Variants in MRPS6 observed in about 807,000 individuals in gnomAD.
MRPS6 encodes the protein mitochondrial ribosomal protein S6.
A neutral mutation model predicts 13.1 loss-of-function variants in MRPS6; 6 were observed. The observed-to-expected ratio is 0.46, with a 90% CI of 0.25 to 0.91. The LOEUF (loss-of-function observed/expected upper bound fraction) is 0.91. MRPS6 is among the 40% of genes least tolerant of loss of function. The probability of loss-of-function intolerance (pLI) is 0.18; values close to 1 mark genes in which losing one functional copy is unlikely to be tolerated. For missense variants in MRPS6, 164 were observed against 155.6 expected (o/e 1.05, Z -0.29); for synonymous variants, 61 against 56.5 (o/e 1.08, Z -0.36).
At position 34,073,664 on chromosome 21, in the gene MRPS6, G is replaced by A. The variant is rs765081516; in HGVS notation, c.-37G>A. 2.6e-6 allele frequency: 4 copies of A among 1,511,000 alleles called. No homozygotes were observed. The African/African-American group carries it at 4.4e-5, about 16-fold the overall frequency. The allele number at this position is 1,511,000 out of a possible 1,614,324, so 93.6% of individuals were successfully genotyped here. On this transcript the variant is annotated 5_prime_UTR_variant, in exon 1 of 3. Transcript: ENST00000399312. ...CCCGCCCCTTCGCGTCCCGGGAACC[G>A]GCTGGCTTCCGAGCCGCACTCGCCG...
chr21:34,123,360 C>A (rs1001018679), intron 1 of MRPS6: 1 of 152,032 alleles, frequency 6.6e-6, no homozygotes, highest in African/African-American at 2.4e-5. Context: ...TTAAAATCAC[C>A]CTGCTTGCAC....
intron 1 of MRPS6, chr21:34,123,361 C>G (rs970799191): frequency 6.6e-6 from 1 of 152,130 alleles, no homozygotes; most frequent in African/African-American, 2.4e-5. Flanking sequence ...TAAAATCACC[C>G]TGCTTGCACC....
At chr21:34,089,130 C>T (rs975411198) in intron 1 of MRPS6, among the ~76,000 whole-genome samples, 2 of 151,982 alleles carry the variant, frequency 1.3e-5, no homozygotes, top group Admixed American at 6.6e-5. Flanking sequence ...TGGGTTCAAG[C>T]GATCCTCTTG....
At chr21:34,112,015 T>C (rs987429627) in intron 1 of MRPS6, among the ~76,000 whole-genome samples, 2 of 152,206 alleles carry the variant, frequency 1.3e-5, no homozygotes, top group Admixed American at 6.5e-5. Flanking sequence ...TCTAGTTCTT[T>C]TACTCTGCAT....
intron 1 of MRPS6, chr21:34,122,506 A>G (rs1980155681): frequency 6.6e-6 from 1 of 152,122 alleles, no homozygotes; most frequent in Non-Finnish European, 1.5e-5. Context: ...CTTGTTAGGT[A>G]GCCTTTCCCC....
chr21:34,103,791 T>C lies in MRPS6; in HGVS notation c.46-21550T>C, dbSNP rs573670565. On this transcript the variant is annotated intron_variant, in intron 1 of 2. Transcript: ENST00000399312. Reference sequence around the variant, plus strand: ...ATAATCTCAATAAGTTTGTACCACATTGATGGAGGGAGAGAATATAAATGT... The same window carrying C: ...ATAATCTCAATAAGTTTGTACCACACTGATGGAGGGAGAGAATATAAATGT... The C allele has an allele frequency of 9.0e-6, 9 of 999,996 alleles. No homozygotes were observed. The South Asian group carries it at 3.8e-4, about 42-fold the overall frequency. 61.9% of individuals were successfully genotyped at this position (999,996 alleles called of 1,614,324 possible). A position where few individuals can be genotyped will look rare whatever the true frequency, so the allele number is the denominator to read the frequency against.
intron 1 of MRPS6, chr21:34,101,567 G>C (rs1979239246): frequency 1.0e-6 from 1 of 999,736 alleles, no homozygotes; most frequent in Admixed American, 6.2e-5. Context: ...CTTTCTCTTT[G>C]TCTTCCTTCA....
chr21:34,105,373 A>G, intron 1 of MRPS6: 1 of 999,700 alleles, frequency 1.0e-6, no homozygotes, highest in Non-Finnish European at 1.2e-6. Flanking sequence ...GTCTTCTTCA[A>G]GAAGAAAACC....
chr21:34,131,044 T>A (rs753170609), intron 2 of MRPS6, among the ~76,000 whole-genome samples: 1 of 152,208 alleles, frequency 6.6e-6, no homozygotes, highest in Non-Finnish European at 1.5e-5. Flanking sequence ...TCGAAGGTGC[T>A]GGGAATGTGT....
At chr21:34,090,066 C>T (rs570192214) in intron 1 of MRPS6, among the ~76,000 whole-genome samples, 7 of 152,130 alleles carry the variant, frequency 4.6e-5, no homozygotes, top group Non-Finnish European at 1.0e-4. Context: ...AGCATCATGT[C>T]AGTTCTCAAA....
chr21:34,074,911 G>A (rs1418599186), intron 1 of MRPS6, among the ~76,000 whole-genome samples: 2 of 152,180 alleles, frequency 1.3e-5, no homozygotes, highest in South Asian at 2.1e-4. Flanking sequence ...TGTTAACTGG[G>A]AAGGGACGCC....
intron 2 of MRPS6, 115 bp downstream of exon 2, chr21:34,125,595 G>A: frequency 6.8e-7 from 1 of 1,464,760 alleles, no homozygotes; most frequent in South Asian, 1.4e-5. Flanking sequence ...TTGCGCCTAG[G>A]TGTCCTTTGG....
chr21:34,103,385 C>G lies in MRPS6; in HGVS notation c.46-21956C>G, dbSNP rs528524275. ...CAGCCTTTATTTAGGTTCAGTGAAA[C>G]CAGGTAGTTCTGTATTTGTGTTGTA... On this transcript the variant is annotated intron_variant, in intron 1 of 2. Coordinates refer to ENST00000399312, the MANE Select transcript of MRPS6 (RefSeq NM_032476.4). The G allele has an allele frequency of 1.0e-5, 10 of 995,038 alleles. No homozygotes were observed. The East Asian group carries it at 8.0e-4, about 80-fold the overall frequency. 61.6% of individuals were successfully genotyped at this position (995,038 alleles called of 1,614,324 possible). A position where few individuals can be genotyped will look rare whatever the true frequency, so the allele number is the denominator to read the frequency against.
At chr21:34,085,748 G>A (rs1290414927) in intron 1 of MRPS6, among the ~76,000 whole-genome samples, 1 of 151,906 alleles carries the variant, frequency 6.6e-6, no homozygotes, top group Non-Finnish European at 1.5e-5. Flanking sequence ...GACTACAGGC[G>A]CCCGCCACCG....
chr21:34,131,967 A>G (rs1353617625), intron 2 of MRPS6, among the ~76,000 whole-genome samples: 1 of 152,248 alleles, frequency 6.6e-6, no homozygotes, highest in Non-Finnish European at 1.5e-5. Context: ...GATGCTCATT[A>G]ACAAGTTAAG....
intron 1 of MRPS6, chr21:34,102,503 A>G: frequency 1.0e-6 from 1 of 1,000,214 alleles, no homozygotes; most frequent in Non-Finnish European, 1.2e-6. Context: ...TCACTCAGAA[A>G]TAAACAAAAA....
At position 34,096,636 on chromosome 21, in the gene MRPS6, C is replaced by T; in HGVS notation, c.45+22891C>T. Reference sequence around the variant, plus strand: ...CTATGGTGGAATGGCTGGCTTTGTTCTTGGAGCAGTCCGTTTGATACTGGC... The same window carrying T: ...CTATGGTGGAATGGCTGGCTTTGTTTTTGGAGCAGTCCGTTTGATACTGGC... On this transcript the variant is annotated intron_variant, in intron 1 of 2. Coordinates refer to ENST00000399312, the MANE Select transcript of MRPS6 (RefSeq NM_032476.4). The surrounding 1 kb of genome is among the most constrained non-coding windows in gnomAD (Gnocchi z 5.9). 5 of 1,614,156 alleles carry T rather than the reference C, an allele frequency of 3.1e-6. No homozygotes were observed. Among genetic ancestry groups the T allele is most frequent in the Non-Finnish European group, 4.2e-6 (5 of 1,180,002 alleles).
chr21:34,137,802 G>C (rs913253318), intron 2 of MRPS6, among the ~76,000 whole-genome samples: 9 of 151,734 alleles, frequency 5.9e-5, no homozygotes, highest in Admixed American at 5.3e-4. Flanking sequence ...TTTTAATCAG[G>C]AATGGCTATG....
intron 1 of MRPS6, among the ~76,000 whole-genome samples, chr21:34,082,551 G>A (rs749265760): frequency 6.6e-5 from 10 of 152,004 alleles, no homozygotes; most frequent in African/African-American, 1.7e-4. Context: ...TGCTCAGAGT[G>A]TATCTGTGGA....
Sources: gnomAD v4.1 joint callset for allele counts (sites outside exome capture counted in the v4.1 genomes callset) on GRCh38, gnomAD v4.1.1 for gene constraint, Gnocchi (gnomAD v3.1) non-coding constraint, MANE v1.5 for transcripts, NCBI Gene and HGNC (gene_info 2026-07-23, HGNC 2026-07-21) for gene names.